The following MAPK10 variants were observed in gnomAD, a reference collection of about 807,000 sequenced individuals.
The protein encoded by MAPK10 is mitogen-activated protein kinase 10.
A neutral mutation model predicts 59.3 loss-of-function variants in MAPK10; 25 were observed. The ratio of observed to expected loss-of-function variants is 0.42; its 90% CI spans 0.31 to 0.59. The LOEUF is 0.59. MAPK10 is among the 20% of genes least tolerant of loss of function. MAPK10 has a pLI of 0.15. For missense variants in MAPK10, 351 were observed against 568.9 expected (o/e 0.62, Z 3.90); for synonymous variants, 190 against 200.5 (o/e 0.95, Z 0.44).
intron 1 of MAPK10, chr4:86,356,501 T>C: frequency 1.1e-6 from 1 of 918,840 alleles, no homozygotes; most frequent in Non-Finnish European, 1.3e-6. Context: ...AGATTCACAA[T>C]AAGAAATACA....
intron 11 of MAPK10, among the ~76,000 whole-genome samples, chr4:86,042,704 A>G (rs1364054616): frequency 6.6e-6 from 1 of 152,152 alleles, no homozygotes; most frequent in East Asian, 1.9e-4. Flanking sequence ...AGAGACAAAA[A>G]AGATACAAAG....
intron 1 of MAPK10, among the ~76,000 whole-genome samples, chr4:86,544,284 G>C (rs1265593693): frequency 6.6e-6 from 1 of 152,140 alleles, no homozygotes; most frequent in Non-Finnish European, 1.5e-5. Flanking sequence ...AACATAGAAA[G>C]GATAAAAGTC....
chr4:86,398,655 CA>C (rs906698234), intron 1 of MAPK10, among the ~76,000 whole-genome samples: 1 of 152,100 alleles, frequency 6.6e-6, no homozygotes, highest in Non-Finnish European at 1.5e-5. Context: ...AGGTTTGTTA[CA>C]GGGGTACATT....
chr4:86,087,909 A>C (rs2149043528), intron 9 of MAPK10, among the ~76,000 whole-genome samples: 1 of 152,284 alleles, frequency 6.6e-6, no homozygotes, highest in South Asian at 2.1e-4. Flanking sequence ...CAAATGGCTA[A>C]TCATAATATG....
chr4:86,431,109 GAGAA>G (rs1472816932), intron 1 of MAPK10, among the ~76,000 whole-genome samples: 2 of 151,838 alleles, frequency 1.3e-5, no homozygotes, highest in East Asian at 1.9e-4. Flanking sequence ...AGGAAGAAAA[GAGAA>G]AGAAAAGAAA....
intron 11 of MAPK10, among the ~76,000 whole-genome samples, chr4:86,038,948 T>C (rs1172418195): frequency 6.6e-6 from 1 of 152,214 alleles, no homozygotes; most frequent in African/African-American, 2.4e-5. Context: ...AAAACTTCAT[T>C]GCCTTCTGAA....
At position 86,165,543 on chromosome 4, in the gene MAPK10, ATTTTTTTTTTTTTTTTTTTTTTTT is replaced by A. The variant is rs10525325; in HGVS notation, c.67-6100_67-6077del. On this transcript the variant is annotated intron_variant, in intron 3 of 13. Transcript: ENST00000641462. ...AGGCACATGCCACCACTCCCAGATA[ATTTTTTTTTTTTTTTTTTTTTTTT>A]TTTTTTTTTTTTTTTTAGAGATGAG... Among the ~76,000 whole-genome samples, 11 of 57,298 alleles carry A rather than the reference ATTTTTTTTTTTTTTTTTTTTTTTT, an allele frequency of 1.9e-4. No individual in the cohort carries two copies. The South Asian group carries it at 2.6e-3, about 14-fold the overall frequency. 37.6% of individuals were successfully genotyped at this position (57,298 alleles called of 152,430 possible).
intron 4 of MAPK10, among the ~76,000 whole-genome samples, chr4:86,136,345 A>C (rs2062083166): frequency 6.6e-6 from 1 of 152,222 alleles, no homozygotes; most frequent in African/African-American, 2.4e-5. Flanking sequence ...TCTCAGCAGA[A>C]ACCCTACAAG....
intron 1 of MAPK10, among the ~76,000 whole-genome samples, chr4:86,441,815 G>A (rs984190180): frequency 2.0e-5 from 3 of 152,140 alleles, no homozygotes; most frequent in Non-Finnish European, 2.9e-5. Flanking sequence ...TCCCCCTATT[G>A]TCCCCATGGA....
At chr4:86,468,196 C>T (rs923708261) in intron 1 of MAPK10, among the ~76,000 whole-genome samples, 6 of 152,310 alleles carry the variant, frequency 3.9e-5, no homozygotes, top group Middle Eastern at 3.4e-3. Flanking sequence ...TTTCATCCTG[C>T]TTCCCCATAC....
At chr4:86,488,864 G>C (rs1271377046) in intron 1 of MAPK10, among the ~76,000 whole-genome samples, 1 of 152,216 alleles carries the variant, frequency 6.6e-6, no homozygotes, top group Non-Finnish European at 1.5e-5. Flanking sequence ...CCCTGTGGCA[G>C]TGTAGCTCCT....
At chr4:86,395,751 T>C (rs748813442) in intron 1 of MAPK10, among the ~76,000 whole-genome samples, 8 of 152,204 alleles carry the variant, frequency 5.3e-5, no homozygotes, top group Non-Finnish European at 1.0e-4. Flanking sequence ...GTGAGGGTTC[T>C]CTTCCTGGCT....
At chr4:86,100,529 T>G (rs532126547) in intron 8 of MAPK10, 1 of 152,432 alleles carries the variant, frequency 6.6e-6, no homozygotes, top group East Asian at 1.9e-4. Flanking sequence ...CAGCTTAAAT[T>G]ATTACAGAAA....
upstream of MAPK10, among the ~76,000 whole-genome samples, chr4:86,454,553 G>A (rs1410372047): frequency 2.0e-5 from 3 of 152,010 alleles, no homozygotes; most frequent in African/African-American, 4.8e-5. Context: ...AGAAGACAAG[G>A]TTTTCAAATT....
chr4:86,360,703 T>A (rs1182511209), upstream of MAPK10, among the ~76,000 whole-genome samples: 6 of 152,174 alleles, frequency 3.9e-5, no homozygotes, highest in Admixed American at 3.9e-4. Context: ...TCTAGAGAAC[T>A]GATGAAAATT....
intron 1 of MAPK10, among the ~76,000 whole-genome samples, chr4:86,486,182 G>A (rs991449429): frequency 4.6e-5 from 7 of 152,142 alleles, no homozygotes; most frequent in Admixed American, 6.5e-5. Context: ...CCAGCTACTC[G>A]GGAGGCTGAG....
intron 1 of MAPK10, among the ~76,000 whole-genome samples, chr4:86,489,080 C>A (rs111559596): frequency 0.068 from 10,390 of 152,222 alleles, 468 homozygotes; most frequent in Non-Finnish European, 0.1. Flanking sequence ...AGCCAACAGC[C>A]ACCTGACATC....
At chr4:86,384,191 T>C (rs1260309524) in intron 1 of MAPK10, 1 of 152,216 alleles carries the variant, frequency 6.6e-6, no homozygotes, top group Non-Finnish European at 1.5e-5. Flanking sequence ...TTATAAACTT[T>C]AGAGTGCCAT....
intron 1 of MAPK10, among the ~76,000 whole-genome samples, chr4:86,447,491 G>C (rs1361918324): frequency 6.6e-6 from 1 of 152,074 alleles, no homozygotes; most frequent in Non-Finnish European, 1.5e-5. Context: ...ACTCTTCCCT[G>C]AGTTTACTGG....
Sources: allele counts gnomAD v4.1 joint callset (sites outside exome capture counted in the v4.1 genomes callset), GRCh38; gene constraint gnomAD v4.1.1; transcripts MANE v1.5; gene names NCBI Gene and HGNC (gene_info 2026-07-23, HGNC 2026-07-21).